The following CPLX2 variants were observed in gnomAD, a reference collection of about 807,000 sequenced individuals.
CPLX2 encodes complexin-2.
Under a neutral mutation model 16.3 loss-of-function variants are expected in CPLX2, and 5 were observed. That is an observed-to-expected ratio of 0.31 (90% CI 0.16 to 0.64). The LOEUF is 0.64. CPLX2 is among the 30% of genes least tolerant of loss of function. CPLX2 has a pLI of 0.79. For missense variants in CPLX2, 144 were observed against 181.4 expected (o/e 0.79, Z 1.18); for synonymous variants, 89 against 73.2 (o/e 1.22, Z -1.10).
intron 2 of CPLX2, among the ~76,000 whole-genome samples, chr5:175,812,686 G>A (rs1758335356): frequency 6.6e-6 from 1 of 152,142 alleles, no homozygotes. Context: ...ACAGGGTGGT[G>A]CAATGTGAGC....
At chr5:175,850,646 AGG>A (rs771319846) in intron 2 of CPLX2, among the ~76,000 whole-genome samples, 15 of 152,310 alleles carry the variant, frequency 9.8e-5, no homozygotes, top group African/African-American at 3.6e-4. Context: ...GAAGTCCTGC[AGG>A]GGAAGTCTGT....
At chr5:175,821,003 C>T (rs1197071332) in intron 2 of CPLX2, among the ~76,000 whole-genome samples, 1 of 152,146 alleles carries the variant, frequency 6.6e-6, no homozygotes, top group African/African-American at 2.4e-5. Flanking sequence ...TGGGCTCTTC[C>T]TGGAGGGAGC....
At chr5:175,837,150 C>T (rs1426804246) in intron 2 of CPLX2, among the ~76,000 whole-genome samples, 1 of 152,232 alleles carries the variant, frequency 6.6e-6, no homozygotes, top group African/African-American at 2.4e-5. Context: ...CTGAGAGGAG[C>T]TGTGACCTGG....
intron 2 of CPLX2, among the ~76,000 whole-genome samples, chr5:175,865,089 C>T (rs1254446446): frequency 5.7e-5 from 8 of 141,154 alleles, no homozygotes; most frequent in Non-Finnish European, 7.4e-5. Context: ...TGTGCGCGCG[C>T]GCACACACAC....
rs1759103081 is a variant in CPLX2 at position 175,849,067 on chromosome 5, C to T, written c.-88-29585C>T. ...TGGAGACTTTCAAACAGAGGTGTGT[C>T]GTGATCTAACTTACACTTCTCAGGA... On this transcript the variant is annotated intron_variant, in intron 2 of 4. Coordinates refer to the CPLX2 transcript ENST00000359546. The surrounding 1 kb of genome is among the most constrained non-coding windows in gnomAD (Gnocchi z 4.4). 6.6e-6 allele frequency among the ~76,000 whole-genome samples: 1 copy of T among 152,188 alleles called. No homozygotes were observed. The highest frequency in any genetic ancestry group is 2.4e-5 in the African/African-American group (1 of 41,432).
intron 2 of CPLX2, among the ~76,000 whole-genome samples, chr5:175,850,677 G>C (rs1333908267): frequency 1.3e-5 from 2 of 152,150 alleles, no homozygotes; most frequent in Admixed American, 1.3e-4. Flanking sequence ...ATTTAGCCCA[G>C]CAATCCCCAC....
intron 2 of CPLX2, among the ~76,000 whole-genome samples, chr5:175,864,600 T>G (rs1013788955): frequency 1.3e-5 from 2 of 152,212 alleles, no homozygotes; most frequent in African/African-American, 4.8e-5. Context: ...TAGCTCTTAG[T>G]GAAGCATTTG....
At chr5:175,856,041 C>A (rs905358980) in intron 2 of CPLX2, among the ~76,000 whole-genome samples, 2 of 152,202 alleles carry the variant, frequency 1.3e-5, no homozygotes, top group African/African-American at 4.8e-5. Context: ...ATCTCCCATG[C>A]AGACATCCTG....
chr5:175,881,514 G>A lies in CPLX2; in HGVS notation c.*1469G>A, dbSNP rs1180059198. On this transcript the variant is annotated 3_prime_UTR_variant, in exon 4 of 4. Coordinates refer to ENST00000393745, the MANE Select transcript of CPLX2 (RefSeq NM_001008220.2). ...TGGGTATGTGTTAGGTATGTGATGG[G>A]TTGTAGAAGCGTGTGTTTGAGAGAA... The A allele has an allele frequency of 6.5e-6, 1 of 153,114 alleles. No homozygotes were observed. Among genetic ancestry groups the A allele is most frequent in the African/African-American group, 2.4e-5 (1 of 41,448 alleles). 9.5% of individuals were successfully genotyped at this position (153,114 alleles called of 1,614,324 possible).
At chr5:175,851,612 A>G (rs778348826) in intron 2 of CPLX2, among the ~76,000 whole-genome samples, 6 of 152,236 alleles carry the variant, frequency 3.9e-5, no homozygotes, top group Non-Finnish European at 7.3e-5. Context: ...AAGCTCCCTC[A>G]TCCACACTCC....
At chr5:175,855,818 G>A (rs1294684906) in intron 2 of CPLX2, among the ~76,000 whole-genome samples, 4 of 152,192 alleles carry the variant, frequency 2.6e-5, no homozygotes, top group African/African-American at 7.2e-5. Context: ...AGGGAAAGGA[G>A]ATTCAATTCC....
chr5:175,804,732 T>C (rs948318635), intron 1 of CPLX2, among the ~76,000 whole-genome samples: 1 of 152,198 alleles, frequency 6.6e-6, no homozygotes, highest in Non-Finnish European at 1.5e-5. Context: ...ACCCCGGTGA[T>C]TGACACACAC....
At chr5:175,825,203 T>G (rs1758588919) in intron 2 of CPLX2, among the ~76,000 whole-genome samples, 1 of 152,070 alleles carries the variant, frequency 6.6e-6, no homozygotes, top group Non-Finnish European at 1.5e-5. Context: ...AAGACCATCC[T>G]GGCCAACATG....
intron 1 of CPLX2, among the ~76,000 whole-genome samples, chr5:175,797,976 A>T (rs1386667207): frequency 6.6e-6 from 1 of 152,106 alleles, no homozygotes; most frequent in Admixed American, 6.5e-5. Context: ...TAGATCACTG[A>T]TTGTCTCCGC....
In CPLX2 at chr5:175,872,552, C is replaced by T. The variant is rs1368724153; in HGVS notation, c.-89+847C>T. Among the ~76,000 whole-genome samples the T allele has an allele frequency of 6.6e-6, 1 of 152,018 alleles. No homozygotes were observed. Among genetic ancestry groups the T allele is most frequent in the Admixed American group, 6.5e-5 (1 of 15,280 alleles). Reference sequence around the variant, plus strand: ...CCGCGGGGGTCCGGGAGAGGGGCGCCGGGGTTCCTGTCCTCTCTTCTGGCC... The same window carrying T: ...CCGCGGGGGTCCGGGAGAGGGGCGCTGGGGTTCCTGTCCTCTCTTCTGGCC... On this transcript the variant is annotated intron_variant, in intron 1 of 3. Coordinates refer to ENST00000393745, the MANE Select transcript of CPLX2 (RefSeq NM_001008220.2). The surrounding 1 kb of genome is among the most constrained non-coding windows in gnomAD (Gnocchi z 5.0).
intron 1 of CPLX2, among the ~76,000 whole-genome samples, chr5:175,874,033 C>T (rs1203664681): frequency 3.3e-5 from 5 of 152,170 alleles, no homozygotes; most frequent in East Asian, 1.9e-4. Context: ...GCAAGGAAGA[C>T]GGGTGCTAGA....
chr5:175,814,153 C>T, intron 2 of CPLX2, among the ~76,000 whole-genome samples: 1 of 152,366 alleles, frequency 6.6e-6, no homozygotes, highest in Non-Finnish European at 1.5e-5. Context: ...GTTGCAAGGG[C>T]TTCCATGGCT....
At chr5:175,855,916 A>G (rs575492234) in intron 2 of CPLX2, among the ~76,000 whole-genome samples, 24 of 152,298 alleles carry the variant, frequency 1.6e-4, no homozygotes, top group African/African-American at 5.5e-4. Context: ...ACCAGAGAAA[A>G]TAGGACAACC....
chr5:175,834,607 T>C (rs1758791627), intron 2 of CPLX2, among the ~76,000 whole-genome samples: 1 of 152,068 alleles, frequency 6.6e-6, no homozygotes, highest in Non-Finnish European at 1.5e-5. Flanking sequence ...GTGTGGTGGC[T>C]CAAGCCTGTA....
Sources: allele counts gnomAD v4.1 joint callset (sites outside exome capture counted in the v4.1 genomes callset), GRCh38; gene constraint gnomAD v4.1.1; non-coding constraint Gnocchi (gnomAD v3.1); transcripts MANE v1.5; gene names NCBI Gene and HGNC (gene_info 2026-07-23, HGNC 2026-07-21).